The following MARCHF1 variants were observed in gnomAD, a reference collection of about 807,000 sequenced individuals.
MARCHF1 encodes membrane associated ring-CH-type finger 1.
In MARCHF1, 40 loss-of-function variants were observed where a neutral mutation model predicts 54.2. The ratio of observed to expected loss-of-function variants is 0.74; its 90% CI spans 0.57 to 0.96. The LOEUF is 0.96. Ranked by LOEUF, MARCHF1 falls within the 40% of genes least tolerant of loss-of-function variation. MARCHF1 has a pLI of 0.00. For missense variants in MARCHF1, 586 were observed against 656.5 expected, an observed-to-expected ratio of 0.89 and a Z score of 1.17; for synonymous variants, 236 against 236.3, an observed-to-expected ratio of 1.00 and a Z score of 0.01.
intron 1 of MARCHF1, among the ~76,000 whole-genome samples, chr4:164,368,196 GAA>G (rs35189860): frequency 6.1e-5 from 9 of 147,092 alleles, no homozygotes; most frequent in East Asian, 3.9e-4. Context: ...AATCCTAGGT[GAA>G]AAAAAAAAAT....
chr4:163,656,587 G>C (rs1362541743), intron 5 of MARCHF1, among the ~76,000 whole-genome samples: 2 of 151,870 alleles, frequency 1.3e-5, no homozygotes, highest in East Asian at 1.9e-4. Context: ...CCAAAACCTG[G>C]CAGAGACACA....
intron 1 of MARCHF1, among the ~76,000 whole-genome samples, chr4:164,358,851 C>T (rs925542162): frequency 3.9e-5 from 6 of 151,974 alleles, no homozygotes; most frequent in African/African-American, 1.2e-4. Flanking sequence ...TAATATTGGA[C>T]ATCGAGCAAT....
At chr4:164,190,283 T>C (rs1188060121) in intron 1 of MARCHF1, 1 of 838,298 alleles carries the variant, frequency 1.2e-6, no homozygotes, top group African/African-American at 1.7e-5. Context: ...TCTATGGAAG[T>C]GCAAGCCCTC....
chr4:163,672,769 G>A (rs886349640), intron 5 of MARCHF1, among the ~76,000 whole-genome samples: 4 of 152,138 alleles, frequency 2.6e-5, no homozygotes, highest in Non-Finnish European at 5.9e-5. Flanking sequence ...GGGTGGGCAG[G>A]GTTGTCTTCT....
intron 8 of MARCHF1, among the ~76,000 whole-genome samples, chr4:163,582,615 C>T (rs1183643672): frequency 6.6e-6 from 1 of 152,172 alleles, no homozygotes; most frequent in Non-Finnish European, 1.5e-5. Context: ...AATTCAACAT[C>T]ATTAGCTAAA....
chr4:164,107,027 T>G (rs918042951), intron 2 of MARCHF1, among the ~76,000 whole-genome samples: 1 of 152,208 alleles, frequency 6.6e-6, no homozygotes, highest in Non-Finnish European at 1.5e-5. Flanking sequence ...TGCATCAGCA[T>G]CTTCATAAAA....
At chr4:164,007,251 C>T (rs1267703378) in intron 2 of MARCHF1, among the ~76,000 whole-genome samples, 2 of 143,810 alleles carry the variant, frequency 1.4e-5, no homozygotes, top group African/African-American at 5.2e-5. Flanking sequence ...GAGGCTGAGG[C>T]AGGAGAATGG....
chr4:164,249,135 C>T (rs531856032), intron 1 of MARCHF1, among the ~76,000 whole-genome samples: 41 of 151,892 alleles, frequency 2.7e-4, no homozygotes, highest in African/African-American at 9.6e-4. Flanking sequence ...GGGGTAGATA[C>T]CAACATGAAG....
rs1174091074 is a variant in MARCHF1, at chr4:163,648,598, T to C, written c.163-35205A>G. ...CCATTCTATAGCAGGGGTAGCAAAT[T>C]ATAGCCCATGAGCTAAAAAAAAAAA... On this transcript the variant is annotated intron_variant, in intron 5 of 9. Coordinates refer to ENST00000514618, the MANE Select transcript of MARCHF1 (RefSeq NM_001394959.1). Among the ~76,000 whole-genome samples, 6 of 127,766 alleles carry C rather than the reference T, an allele frequency of 4.7e-5. No individual in the cohort carries two copies. In the South Asian group the frequency reaches 9.7e-4, roughly 21 times the overall value. 83.8% of individuals were successfully genotyped at this position (127,766 alleles called of 152,430 possible). A position where few individuals can be genotyped will look rare whatever the true frequency, so the allele number is the denominator to read the frequency against.
At chr4:164,308,328 A>G (rs1190793705) in intron 1 of MARCHF1, among the ~76,000 whole-genome samples, 1 of 152,226 alleles carries the variant, frequency 6.6e-6, no homozygotes, top group Non-Finnish European at 1.5e-5. Context: ...AAACATTTGT[A>G]GGAAATAACC....
At chr4:164,347,618 T>C (rs1730145127) in intron 1 of MARCHF1, among the ~76,000 whole-genome samples, 1 of 152,228 alleles carries the variant, frequency 6.6e-6, no homozygotes, top group African/African-American at 2.4e-5. Context: ...TGCCATTTTT[T>C]AGAATAATCA....
intron 7 of MARCHF1, among the ~76,000 whole-genome samples, chr4:163,611,753 T>TA: frequency 6.6e-6 from 1 of 152,234 alleles, no homozygotes; most frequent in South Asian, 2.1e-4. Context: ...ACCCCACTGA[T>TA]ACGTCCCTGA....
At chr4:164,162,749 TGAAA>T (rs1730270774) in intron 1 of MARCHF1, among the ~76,000 whole-genome samples, 1 of 151,844 alleles carries the variant, frequency 6.6e-6, no homozygotes. Flanking sequence ...TCAAAATAGA[TGAAA>T]GACTCAATTA....
In MARCHF1 at chr4:164,295,965, T is replaced by A. The variant is rs558052660; in HGVS notation, c.-323+87905A>T. On this transcript the variant is annotated intron_variant, in intron 1 of 9. Transcript: ENST00000514618. ...GTGAATCTAAAAGCAAAAACAACAA[T>A]AATACACACACACGCAAACCATCAA... Among the ~76,000 whole-genome samples, 259 of 152,070 alleles carry A rather than the reference T, an allele frequency of 1.7e-3. 1 individual carries two copies. Among genetic ancestry groups the A allele is most frequent in the African/African-American group, 6.1e-3 (255 of 41,506 alleles).
At chr4:163,880,333 T>A (rs1750388662) in intron 3 of MARCHF1, among the ~76,000 whole-genome samples, 1 of 151,284 alleles carries the variant, frequency 6.6e-6, no homozygotes, top group Admixed American at 6.6e-5. Context: ...TTAAAATAAT[T>A]TTCCTTTCAA....
chr4:164,314,207 G>C (rs1734939597), intron 1 of MARCHF1, among the ~76,000 whole-genome samples: 1 of 152,146 alleles, frequency 6.6e-6, no homozygotes, highest in African/African-American at 2.4e-5. Context: ...AGTACACTTT[G>C]TCTATATTTA....
chr4:163,802,441 A>G (rs1748108022), intron 4 of MARCHF1, among the ~76,000 whole-genome samples: 1 of 152,172 alleles, frequency 6.6e-6, no homozygotes, highest in Non-Finnish European at 1.5e-5. Context: ...TATGATTTTA[A>G]TTCATTAATA....
intron 3 of MARCHF1, among the ~76,000 whole-genome samples, chr4:163,983,952 T>C (rs1207511890): frequency 1.8e-5 from 2 of 114,204 alleles, no homozygotes; most frequent in Non-Finnish European, 4.2e-5. Context: ...TTACTAAAAA[T>C]TTTTACTAAA....
intron 1 of MARCHF1, among the ~76,000 whole-genome samples, chr4:164,233,292 T>C (rs1732464938): frequency 6.6e-6 from 1 of 152,096 alleles, no homozygotes. Flanking sequence ...AATCAGACCC[T>C]GGTCTTATTT....
Sources: gnomAD v4.1 joint callset for allele counts (sites outside exome capture counted in the v4.1 genomes callset) on GRCh38, gnomAD v4.1.1 for gene constraint, MANE v1.5 for transcripts, NCBI Gene and HGNC (gene_info 2026-07-23, HGNC 2026-07-21) for gene names.